The following TRAF2 variants were observed in gnomAD, a reference collection of about 807,000 sequenced individuals.
TRAF2 encodes TNF receptor-associated factor 2.
Under a neutral mutation model 55.6 loss-of-function variants are expected in TRAF2, and 6 were observed. That is an observed-to-expected ratio of 0.11 (90% CI 0.06 to 0.21). The LOEUF is 0.21. Ranked by LOEUF, TRAF2 falls within the 10% of genes least tolerant of loss-of-function variation. The pLI is 1.00. For synonymous variants in TRAF2, 329 were observed against 276.3 expected (o/e 1.19, Z -1.89); for missense variants, 561 against 684.5 (o/e 0.82, Z 2.01).
At chr9:136,900,280 A>C in intron 3 of TRAF2, 142 bp from the exon 4 acceptor site, 2 of 546,714 alleles carry the variant, frequency 3.7e-6, no homozygotes, top group Non-Finnish European at 6.4e-6. Context: ...AAAAGGAATC[A>C]GAGAGTCATC....
intron 7 of TRAF2, among the ~76,000 whole-genome samples, chr9:136,917,114 C>T (rs1218458561): frequency 6.6e-6 from 1 of 152,202 alleles, no homozygotes; most frequent in Non-Finnish European, 1.5e-5. Flanking sequence ...GTCCCCCCAG[C>T]CGTCACTGCC....
chr9:136,925,329 G>T (rs967483562), intron 10 of TRAF2, among the ~76,000 whole-genome samples: 1 of 152,180 alleles, frequency 6.6e-6, no homozygotes, highest in Non-Finnish European at 1.5e-5. Flanking sequence ...TGATCTCTTT[G>T]GCAAGAAAAT....
intron 4 of TRAF2, 157 bp downstream of exon 4, chr9:136,900,677 G>C: frequency 1.4e-6 from 1 of 715,584 alleles, no homozygotes; most frequent in South Asian, 1.5e-5. Flanking sequence ...GCTCCTTAGA[G>C]TATGTCCATT....
intron 1 of TRAF2, among the ~76,000 whole-genome samples, chr9:136,898,196 C>T (rs1047991302): frequency 2.0e-5 from 3 of 152,238 alleles, no homozygotes; most frequent in East Asian, 3.8e-4. Flanking sequence ...GGTCTGGCGG[C>T]ATGGCTCTCT....
rs1849998778 is a variant in TRAF2, at chr9:136,908,059, T to C, written c.367-11T>C. 2 of 1,596,266 alleles carry C rather than the reference T, an allele frequency of 1.3e-6. No homozygotes were observed. Among genetic ancestry groups the C allele is most frequent in the Admixed American group, 1.7e-5 (1 of 58,238 alleles). On this transcript the variant is annotated splice_polypyrimidine_tract_variant and intron_variant, in intron 4 of 10. Coordinates refer to ENST00000247668, the MANE Select transcript of TRAF2 (RefSeq NM_021138.4). Reference sequence around the variant, plus strand: ...GCGAGTTCTACTGACGCTTCCTCCTTTCGTTGCTAGAGCTGCCACGAAGGC... The same window carrying C: ...GCGAGTTCTACTGACGCTTCCTCCTCTCGTTGCTAGAGCTGCCACGAAGGC...
chr9:136,920,257 G>C lies in TRAF2; in HGVS notation c.702G>C (p.Glu234Asp). The C allele has an allele frequency of 6.2e-7, 1 of 1,612,174 alleles. No individual in the cohort carries two copies. The highest frequency in any genetic ancestry group is 1.1e-5 in the South Asian group (1 of 91,038). The change falls in exon 8 of 11, where the codon GAG (glutamate) becomes GAC (aspartate). Residue 234 changes from glutamate to aspartate, a missense_variant. Physicochemically the swap from Glu to Asp is conservative, Grantham distance 45. Coordinates refer to ENST00000247668, the MANE Select transcript of TRAF2 (RefSeq NM_021138.4). The part of the protein sequence containing the change: ...LETVEGEKQQ[E>D]HEVQWLREHL... ...AGGTAGAGGGTGAGAAACAGCAGGAGCACGAGGTGCAGTGGCTGCGGGAGC... is the reference window on the plus strand; with the variant it reads ...AGGTAGAGGGTGAGAAACAGCAGGACCACGAGGTGCAGTGGCTGCGGGAGC...
intron 2 of TRAF2, 71 bp downstream of exon 2, chr9:136,898,999 C>T: frequency 6.8e-7 from 1 of 1,469,862 alleles, no homozygotes; most frequent in Non-Finnish European, 9.2e-7. Context: ...GCTGCCCAGC[C>T]TGGTAGCTCC....
At chr9:136,884,310 G>A (rs1243889641), upstream of TRAF2, among the ~76,000 whole-genome samples, 4 of 151,374 alleles carry the variant, frequency 2.6e-5, no homozygotes, top group Admixed American at 2.6e-4. Context: ...TGTAATCCTA[G>A]CACTTTGGGA....
intron 9 of TRAF2, among the ~76,000 whole-genome samples, chr9:136,922,797 A>G (rs1202602412): frequency 2.5e-5 from 2 of 81,038 alleles, no homozygotes; most frequent in African/African-American, 5.0e-5. Flanking sequence ...GCCTGGGGGC[A>G]TGTGGAGGAC....
upstream of TRAF2, among the ~76,000 whole-genome samples, chr9:136,883,255 G>C (rs1202368773): frequency 6.6e-6 from 1 of 152,118 alleles, no homozygotes; most frequent in African/African-American, 2.4e-5. Context: ...AGCAGCACTG[G>C]GGCAAGTACT....
intron 10 of TRAF2, 30 bp from the exon 11 acceptor site, chr9:136,925,653 G>A (rs1850512820): frequency 1.2e-6 from 2 of 1,610,256 alleles, no homozygotes; most frequent in African/African-American, 1.3e-5. Context: ...CCACAGACCT[G>A]TGTCCCCTCC....
intron 7 of TRAF2, among the ~76,000 whole-genome samples, chr9:136,919,683 T>TTCCCTTCA (rs898866429): frequency 6.6e-6 from 1 of 151,020 alleles, no homozygotes; most frequent in South Asian, 2.1e-4. Context: ...CCTCCCCTTC[T>TTCCCTTCA]TCCCTTCATC....
At chr9:136,918,056 G>A (rs1467593086) in intron 7 of TRAF2, among the ~76,000 whole-genome samples, 4 of 151,750 alleles carry the variant, frequency 2.6e-5, no homozygotes, top group African/African-American at 7.3e-5. Flanking sequence ...TTTCCACGCC[G>A]CGCACAGCAT....
chr9:136,899,262 G>A (rs1468521147), intron 2 of TRAF2, among the ~76,000 whole-genome samples: 2 of 152,160 alleles, frequency 1.3e-5, no homozygotes, highest in African/African-American at 4.8e-5. Flanking sequence ...TAAGACAGCC[G>A]CCTTCCTTGC....
At chr9:136,897,157 C>T (rs190316316) in intron 1 of TRAF2, among the ~76,000 whole-genome samples, 2 of 110,532 alleles carry the variant, frequency 1.8e-5, no homozygotes, top group East Asian at 2.8e-4. Flanking sequence ...CCAGTGGAGT[C>T]TCTGCCCGGG....
chr9:136,904,561 ACT>A (rs904198661), intron 4 of TRAF2, among the ~76,000 whole-genome samples: 10 of 149,784 alleles, frequency 6.7e-5, no homozygotes, highest in Non-Finnish European at 1.2e-4. Context: ...GCTCACCACC[ACT>A]CTCGGCTAAT....
Position 136,926,551 on chromosome 9 carries a change from G to A in TRAF2, c.*650G>A. On this transcript the variant is annotated 3_prime_UTR_variant, in exon 11 of 11. Transcript: ENST00000247668. ...GTGCACAGCACAGCCTGCGGGTAAAGTGTGAGAGCTTGCCATCCAGCTCAC... is the reference window on the plus strand; with the variant it reads ...GTGCACAGCACAGCCTGCGGGTAAAATGTGAGAGCTTGCCATCCAGCTCAC... The A allele has an allele frequency of 5.9e-6, 1 of 169,894 alleles. No individual in the cohort carries two copies. Among genetic ancestry groups the A allele is most frequent in the Admixed American group, 5.4e-5 (1 of 18,482 alleles). 10.5% of individuals were successfully genotyped at this position (169,894 alleles called of 1,614,324 possible).
intron 1 of TRAF2, among the ~76,000 whole-genome samples, chr9:136,896,789 T>A (rs545009181): frequency 1.3e-5 from 2 of 152,290 alleles, no homozygotes; most frequent in East Asian, 3.9e-4. Context: ...TTTGTATTTT[T>A]AATAGAGACG....
At chr9:136,898,258 TG>T (rs1849731985) in intron 1 of TRAF2, among the ~76,000 whole-genome samples, 1 of 152,140 alleles carries the variant, frequency 6.6e-6, no homozygotes, top group Non-Finnish European at 1.5e-5. Flanking sequence ...TCCTGCCCAG[TG>T]GGTTTGGTAA....
Sources: allele counts gnomAD v4.1 joint callset (sites outside exome capture counted in the v4.1 genomes callset), GRCh38; gene constraint gnomAD v4.1.1; transcripts MANE v1.5; gene names NCBI Gene and HGNC (gene_info 2026-07-23, HGNC 2026-07-21).